Variants in KMT5A observed in about 807,000 individuals in gnomAD.
KMT5A encodes N-lysine methyltransferase KMT5A.
Under a neutral mutation model 40.6 loss-of-function variants are expected in KMT5A, and 6 were observed. The ratio of observed to expected loss-of-function variants is 0.15; its 90% CI spans 0.08 to 0.29. The LOEUF is 0.29. KMT5A is among the 10% of genes least tolerant of loss of function. The pLI, the probability that KMT5A is intolerant of heterozygous loss-of-function variation, is 1.00. For synonymous variants in KMT5A, 153 were observed against 178.8 expected (o/e 0.86, Z 1.15); for missense variants, 308 against 459.1 (o/e 0.67, Z 3.01).
chr12:123,391,103 C>T (rs28573826), intron 3 of KMT5A: 11,940 of 316,816 alleles, frequency 0.038, 332 homozygotes, highest in South Asian at 0.086. Flanking sequence ...GTCATGAATT[C>T]AGGTTGTACA....
In KMT5A at chr12:123,390,615, C is replaced by G. The variant is rs2139163818; in HGVS notation, c.133-15C>G. 4 of 1,612,594 alleles carry G rather than the reference C, an allele frequency of 2.5e-6. No homozygotes were observed. Among genetic ancestry groups the G allele is most frequent in the Non-Finnish European group, 3.4e-6 (4 of 1,179,436 alleles). Reference sequence around the variant, plus strand: ...TTCTTCAAGCCTCTTTCAGAATATGCTTTTGTCTTTTTAGGAGAACGTATT... The same window carrying G: ...TTCTTCAAGCCTCTTTCAGAATATGGTTTTGTCTTTTTAGGAGAACGTATT... On this transcript the variant is annotated splice_polypyrimidine_tract_variant and intron_variant, in intron 2 of 7. Transcript: ENST00000402868.
chr12:123,395,281 C>T lies in KMT5A; in HGVS notation c.509+15C>T. 1 of 1,609,178 alleles carries T rather than the reference C, an allele frequency of 6.2e-7. No individual in the cohort carries two copies. Among genetic ancestry groups the T allele is most frequent in the South Asian group, 1.1e-5 (1 of 90,264 alleles). ...CCCCGAAAAAAGTAAGTGCCCCATT[C>T]AGTCCTCTTCCTAACGTGGAGCAGT... On this transcript the variant is annotated intron_variant, in intron 4 of 7. Transcript: ENST00000402868.
intron 2 of KMT5A, among the ~76,000 whole-genome samples, chr12:123,389,858 C>T (rs1877154660): frequency 6.6e-6 from 1 of 152,054 alleles, no homozygotes; most frequent in African/African-American, 2.4e-5. Flanking sequence ...CTCACCGCCT[C>T]GGTGTTGAAT....
chr12:123,395,209 C>T lies in KMT5A; in HGVS notation c.452C>T (p.Ala151Val), dbSNP rs963951681. The T allele has an allele frequency of 9.3e-6, 15 of 1,613,654 alleles. No homozygotes were observed. Among genetic ancestry groups the T allele is most frequent in the Non-Finnish European group, 1.3e-5 (15 of 1,179,846 alleles). ...PPSSCDSTNA[A>V]IAKQALKKPI... Reference sequence around the variant, plus strand: ...TCATCTTGTGATTCCACCAATGCAGCCATCGCCAAGCAAGCCCTGAAAAAG... The same window carrying T: ...TCATCTTGTGATTCCACCAATGCAGTCATCGCCAAGCAAGCCCTGAAAAAG... Residue 151 changes from alanine (A) to valine (V), a missense_variant, in exon 4 of 8, where the codon GCC becomes GTC. Ala to Val is a moderately conservative substitution (Grantham distance 64). Transcript: ENST00000402868.
rs1320005372 is a variant in KMT5A at position 123,407,774 on chromosome 12, G to A, written c.*71G>A. 1.7e-6 allele frequency: 2 copies of A among 1,195,806 alleles called. No individual in the cohort carries two copies. Among genetic ancestry groups the A allele is most frequent in the Non-Finnish European group, 2.4e-6 (2 of 842,522 alleles). The allele number at this position is 1,195,806 out of a possible 1,614,324, so 74.1% of individuals were successfully genotyped here. A position where few individuals can be genotyped will look rare whatever the true frequency, so the allele number is the denominator to read the frequency against. The stretch of plus-strand genomic sequence containing the variant: ...GGACAAAGTGCCCTCAAAGGGAATT[G>A]AATTTTTTTTTTACACACTTAATCT... On this transcript the variant is annotated 3_prime_UTR_variant, in exon 8 of 8. Coordinates refer to ENST00000402868, the MANE Select transcript of KMT5A (RefSeq NM_020382.7).
At chr12:123,395,021 CG>C in intron 3 of KMT5A, 25 bp from the exon 4 acceptor site, 1 of 1,536,684 alleles carries the variant, frequency 6.5e-7, no homozygotes, top group East Asian at 2.4e-5. Flanking sequence ...AGAATAAACC[CG>C]TCTTTCCCCC....
At chr12:123,394,704 C>T (rs1172294222) in intron 3 of KMT5A, among the ~76,000 whole-genome samples, 1 of 152,190 alleles carries the variant, frequency 6.6e-6, no homozygotes, top group African/African-American at 2.4e-5. Context: ...AGGAATGGAG[C>T]TTTTGATCTG....
At chr12:123,396,568 G>A in intron 5 of KMT5A, 136 bp downstream of exon 5, 1 of 762,098 alleles carries the variant, frequency 1.3e-6, no homozygotes, top group Non-Finnish European at 2.2e-6. Context: ...CTCTGGACTT[G>A]GTTTTCTCCT....
chr12:123,385,833 C>T (rs1876843161), intron 1 of KMT5A, among the ~76,000 whole-genome samples: 1 of 152,130 alleles, frequency 6.6e-6, no homozygotes, highest in African/African-American at 2.4e-5. Flanking sequence ...GCATGGGCAA[C>T]AGAGCAAGAC....
At position 123,393,950 on chromosome 12, in the gene KMT5A, G is replaced by A. The variant is rs535160475; in HGVS notation, c.290-1097G>A. Reference sequence around the variant, plus strand: ...TGCATAGATTTTTTTGGGGACATATGTTTTTAATTCTCTGGAATAGATGCC... The same window carrying A: ...TGCATAGATTTTTTTGGGGACATATATTTTTAATTCTCTGGAATAGATGCC... On this transcript the variant is annotated intron_variant, in intron 3 of 7. Transcript: ENST00000402868. Among the ~76,000 whole-genome samples the A allele has an allele frequency of 1.3e-5, 2 of 152,112 alleles. 1 individual carries two copies. The highest frequency in any genetic ancestry group is 4.1e-4 in the South Asian group (2 of 4,826).
chr12:123,392,843 A>G (rs1877413520), intron 3 of KMT5A, among the ~76,000 whole-genome samples: 1 of 152,058 alleles, frequency 6.6e-6, no homozygotes, highest in Non-Finnish European at 1.5e-5. Context: ...GAAGGTGTGT[A>G]GAGGAGGAAG....
At chr12:123,390,195 C>T (rs1877192208) in intron 2 of KMT5A, 1 of 458,122 alleles carries the variant, frequency 2.2e-6, no homozygotes, top group African/African-American at 2.0e-5. Context: ...CTGACAGGCC[C>T]TCCAGCCGCC....
In KMT5A at chr12:123,397,714, T is replaced by C. The variant is rs538877030; in HGVS notation, c.597+1282T>C. ...GGAGTTTTGCTCTTGTTGCCCAGGC[T>C]GGAGTGCAATGGCGTGATCTCGACT... On this transcript the variant is annotated intron_variant, in intron 5 of 7. Coordinates refer to ENST00000402868, the MANE Select transcript of KMT5A (RefSeq NM_020382.7). 3.4e-5 allele frequency among the ~76,000 whole-genome samples: 5 copies of C among 146,948 alleles called. No homozygotes were observed. The East Asian group carries it at 8.2e-4, about 24-fold the overall frequency.
chr12:123,386,929 C>T (rs955339213), intron 1 of KMT5A, among the ~76,000 whole-genome samples: 6 of 152,062 alleles, frequency 3.9e-5, no homozygotes, highest in Non-Finnish European at 8.8e-5. Context: ...AATCTTGGCT[C>T]ACTGCAAACT....
intron 3 of KMT5A, 155 bp downstream of exon 3, chr12:123,390,941 T>C (rs550861359): frequency 2.3e-6 from 2 of 886,146 alleles, no homozygotes; most frequent in Admixed American, 2.9e-5. Flanking sequence ...AAAGAATGGC[T>C]TGTCCCAGGG....
In KMT5A at chr12:123,396,334, C is replaced by T; in HGVS notation, c.510-11C>T. The T allele has an allele frequency of 6.2e-7, 1 of 1,612,298 alleles. No individual in the cohort carries two copies. Among genetic ancestry groups the T allele is most frequent in the Non-Finnish European group, 8.5e-7 (1 of 1,179,716 alleles). ...CTGATATTTATTTTCTCCTCTTCCCCTCTTACCCAGAGCTCAAGGAAAAAC... is the reference window on the plus strand; with the variant it reads ...CTGATATTTATTTTCTCCTCTTCCCTTCTTACCCAGAGCTCAAGGAAAAAC... On this transcript the variant is annotated splice_polypyrimidine_tract_variant and intron_variant, in intron 4 of 7. Transcript: ENST00000402868.
intron 2 of KMT5A, 33 bp downstream of exon 2, chr12:123,389,587 G>A: frequency 9.4e-7 from 1 of 1,069,020 alleles, no homozygotes. Context: ...CCCCTGCGGC[G>A]CGCCCGCCGG....
chr12:123,390,689 T>A lies in KMT5A; in HGVS notation c.192T>A (p.Ser64=), dbSNP rs772404891. 1 of 1,613,838 alleles carries A rather than the reference T, an allele frequency of 6.2e-7. No individual in the cohort carries two copies. Among genetic ancestry groups the A allele is most frequent in the African/African-American group, 1.3e-5 (1 of 74,916 alleles). Residue 64 remains serine (S), a synonymous_variant, in exon 3 of 8, where the codon TCT becomes TCA. Coordinates refer to ENST00000402868, the MANE Select transcript of KMT5A (RefSeq NM_020382.7). ...CCTACATGAGCCCGAACAAATGCTCTGGAATGCGTTTCCCCCTTCAGGAAG... is the reference window on the plus strand; with the variant it reads ...CCTACATGAGCCCGAACAAATGCTCAGGAATGCGTTTCCCCCTTCAGGAAG... The part of the protein sequence containing the change: ...IYSYMSPNKC[S]GMRFPLQEEN...
rs1350265583 is a variant in KMT5A at position 123,408,822 on chromosome 12, C to A, written c.*1119C>A. 2 of 152,824 alleles carry A rather than the reference C, an allele frequency of 1.3e-5. No individual in the cohort carries two copies. Among genetic ancestry groups the A allele is most frequent in the African/African-American group, 4.8e-5 (2 of 41,416 alleles). The allele number at this position is 152,824 out of a possible 1,614,324, so 9.5% of individuals were successfully genotyped here. On this transcript the variant is annotated 3_prime_UTR_variant, in exon 8 of 8. Coordinates refer to ENST00000402868, the MANE Select transcript of KMT5A (RefSeq NM_020382.7). The stretch of plus-strand genomic sequence containing the variant: ...AGCCTAGGAGCCCAGGACCCCTGAC[C>A]CCGGCCGCTGCTGCCAGCCTCAGAA...
Sources: gnomAD v4.1 joint callset for allele counts (sites outside exome capture counted in the v4.1 genomes callset) on GRCh38, gnomAD v4.1.1 for gene constraint, MANE v1.5 for transcripts, NCBI Gene and HGNC (gene_info 2026-07-23, HGNC 2026-07-21) for gene names.